The following GAN variants were observed in gnomAD, a reference collection of about 807,000 sequenced individuals.
GAN encodes epididymis secretory sperm binding protein.
Under a neutral mutation model 71.3 loss-of-function variants are expected in GAN, and 48 were observed. The ratio of observed to expected loss-of-function variants is 0.67; its 90% CI spans 0.53 to 0.86. The LOEUF (loss-of-function observed/expected upper bound fraction) is 0.86, where lower values mean the gene tolerates loss of function less well. Among genes scored for constraint, GAN ranks in the 40% least tolerant of loss-of-function variants. The pLI, the probability that GAN is intolerant of heterozygous loss-of-function variation, is 0.00. For missense variants in GAN, 928 were observed against 770.1 expected (o/e 1.21, Z -2.43); for synonymous variants, 386 against 276.8 (o/e 1.39, Z -3.92).
intron 5 of GAN, among the ~76,000 whole-genome samples, chr16:81,362,024 G>C (rs1047420589): frequency 6.6e-6 from 1 of 152,156 alleles, no homozygotes; most frequent in Non-Finnish European, 1.5e-5. Flanking sequence ...TTTTGCAGAA[G>C]AATAACCTAA....
intron 1 of GAN, among the ~76,000 whole-genome samples, chr16:81,321,473 T>C (rs1374128092): frequency 1.3e-5 from 2 of 152,212 alleles, no homozygotes; most frequent in African/African-American, 4.8e-5. Flanking sequence ...TAATTTAGGA[T>C]TGAAGTAAAA....
intron 1 of GAN, among the ~76,000 whole-genome samples, chr16:81,346,141 GGAGA>G (rs1333584103): frequency 6.6e-6 from 1 of 152,146 alleles, no homozygotes; most frequent in East Asian, 1.9e-4. Context: ...GGTCTAGTCA[GGAGA>G]GAGAAACCAC....
chr16:81,376,548 CACACATATACAT>C, intron 9 of GAN, among the ~76,000 whole-genome samples: 1 of 142,486 alleles, frequency 7.0e-6, no homozygotes, highest in African/African-American at 2.7e-5. Flanking sequence ...TATGTATATA[CACACATATACAT>C]ATATATGTGT....
intron 2 of GAN, among the ~76,000 whole-genome samples, chr16:81,352,191 T>A (rs1230206644): frequency 6.6e-6 from 1 of 152,172 alleles, no homozygotes; most frequent in African/African-American, 2.4e-5. Context: ...GACAAGCACC[T>A]TATTCACGAT....
At chr16:81,348,890 A>C (rs1489466886) in intron 1 of GAN, among the ~76,000 whole-genome samples, 1 of 152,160 alleles carries the variant, frequency 6.6e-6, no homozygotes, top group Non-Finnish European at 1.5e-5. Flanking sequence ...GGCTTTCAGT[A>C]TTTTAGGAGC....
At chr16:81,328,813 C>T (rs1157026651) in intron 1 of GAN, among the ~76,000 whole-genome samples, 1 of 152,140 alleles carries the variant, frequency 6.6e-6, no homozygotes, top group Non-Finnish European at 1.5e-5. Flanking sequence ...CAGGGATTGG[C>T]AGACTTTTTC....
intron 7 of GAN, 76 bp from the exon 8 acceptor site, chr16:81,364,898 C>T: frequency 7.1e-7 from 1 of 1,405,488 alleles, no homozygotes; most frequent in South Asian, 1.2e-5. Context: ...AAGTATGGCC[C>T]AGACAGTTTA....
intron 10 of GAN, 24 bp downstream of exon 10, chr16:81,377,352 T>C: frequency 1.3e-6 from 2 of 1,587,952 alleles, no homozygotes; most frequent in Non-Finnish European, 1.7e-6. Context: ...AGTGATTTTC[T>C]TGGAACTGTT....
At chr16:81,369,279 C>T (rs1251829017) in intron 9 of GAN, among the ~76,000 whole-genome samples, 1 of 152,150 alleles carries the variant, frequency 6.6e-6, no homozygotes, top group African/African-American at 2.4e-5. Context: ...AAGTGGAAGT[C>T]CCCGGAGCTC....
chr16:81,359,896 C>G (rs554306398), intron 5 of GAN, among the ~76,000 whole-genome samples: 1 of 152,340 alleles, frequency 6.6e-6, no homozygotes, highest in East Asian at 1.9e-4. Flanking sequence ...AAATATCTTA[C>G]TTTACTGAAC....
intron 1 of GAN, among the ~76,000 whole-genome samples, chr16:81,330,595 C>T (rs1052607538): frequency 2.0e-5 from 3 of 152,114 alleles, no homozygotes; most frequent in Non-Finnish European, 4.4e-5. Context: ...AATTTCAATT[C>T]GTATATGTAG....
chr16:81,358,336 C>T (rs546115093), intron 5 of GAN, among the ~76,000 whole-genome samples: 16 of 152,094 alleles, frequency 1.1e-4, no homozygotes, highest in African/African-American at 2.9e-4. Context: ...TATATAAGGC[C>T]GAGTGTGGTG....
At chr16:81,353,117 C>G (rs540975992) in intron 2 of GAN, among the ~76,000 whole-genome samples, 3 of 152,168 alleles carry the variant, frequency 2.0e-5, no homozygotes, top group South Asian at 4.1e-4. Context: ...CGGTGAAACC[C>G]CGTCTCTACT....
chr16:81,333,503 G>A (rs993410836), intron 1 of GAN, among the ~76,000 whole-genome samples: 4 of 152,196 alleles, frequency 2.6e-5, no homozygotes, highest in Non-Finnish European at 5.9e-5. Context: ...GGGAGGAATA[G>A]GCTATGCATA....
chr16:81,350,794 C>G (rs894900102), intron 1 of GAN, among the ~76,000 whole-genome samples: 1 of 152,172 alleles, frequency 6.6e-6, no homozygotes, highest in African/African-American at 2.4e-5. Flanking sequence ...GTTGGGATTA[C>G]AGGCGTGAGC....
chr16:81,372,428 A>G (rs1911065675), intron 9 of GAN, among the ~76,000 whole-genome samples: 1 of 152,210 alleles, frequency 6.6e-6, no homozygotes, highest in African/African-American at 2.4e-5. Context: ...GGATAGCTAA[A>G]TTGTTCAGGG....
intron 1 of GAN, among the ~76,000 whole-genome samples, chr16:81,324,500 C>T (rs956225712): frequency 7.9e-5 from 12 of 152,012 alleles, no homozygotes; most frequent in African/African-American, 2.9e-4. Context: ...TAGGTCAGGC[C>T]TCTCTGGGAA....
Position 81,387,661 on chromosome 16 carries a change from C to A in GAN, c.*10065C>A, listed in dbSNP as rs1024963130. 6.6e-6 allele frequency: 1 copy of A among 151,970 alleles called. No individual in the cohort carries two copies. Among genetic ancestry groups the A allele is most frequent in the South Asian group, 2.1e-4 (1 of 4,814 alleles). The allele number at this position is 151,970 out of a possible 1,614,324, so 9.4% of individuals were successfully genotyped here. A position where few individuals can be genotyped will look rare whatever the true frequency, so the allele number is the denominator to read the frequency against. ...TGAAACCCCGTCTCTACTAAAAATA[C>A]AAAAATTAGCCGAGTGTGTTGGTGG... On this transcript the variant is annotated 3_prime_UTR_variant, in exon 11 of 11. Transcript: ENST00000648994.
At chr16:81,320,725 A>C (rs1909196120) in intron 1 of GAN, among the ~76,000 whole-genome samples, 1 of 152,156 alleles carries the variant, frequency 6.6e-6, no homozygotes, top group African/African-American at 2.4e-5. Context: ...ACTTAAAATA[A>C]AATTGACATT....
Sources: allele counts gnomAD v4.1 joint callset (sites outside exome capture counted in the v4.1 genomes callset), GRCh38; gene constraint gnomAD v4.1.1; transcripts MANE v1.5; gene names NCBI Gene and HGNC (gene_info 2026-07-23, HGNC 2026-07-21).